THSD4: variants seen among roughly 807,000 people sequenced by gnomAD.
THSD4 encodes thrombospondin type 1 domain containing 4.
Under a neutral mutation model 119.0 loss-of-function variants are expected in THSD4, and 69 were observed. The observed-to-expected ratio is 0.58, with a 90% CI of 0.48 to 0.71. The LOEUF (loss-of-function observed/expected upper bound fraction) is 0.71. THSD4 is among the 30% of genes least tolerant of loss of function. The probability of loss-of-function intolerance (pLI) is 0.00; values close to 1 mark genes in which losing one functional copy is unlikely to be tolerated. For synonymous variants in THSD4, 524 were observed against 540.4 expected (o/e 0.97, Z 0.42); for missense variants, 1,393 against 1,391.1 (o/e 1.00, Z -0.02).
chr15:71,696,339 C>A (rs1447744197), intron 8 of THSD4, among the ~76,000 whole-genome samples: 1 of 152,122 alleles, frequency 6.6e-6, no homozygotes, highest in Non-Finnish European at 1.5e-5. Flanking sequence ...TTTATAACAA[C>A]CCACTCTTTT....
chr15:71,584,129 G>T (rs573895857), intron 7 of THSD4, among the ~76,000 whole-genome samples: 2 of 151,938 alleles, frequency 1.3e-5, no homozygotes, highest in South Asian at 2.1e-4. Flanking sequence ...TTCTCTTGAT[G>T]AATTGATTCC....
chr15:71,445,512 C>T (rs1391831948), intron 7 of THSD4, among the ~76,000 whole-genome samples: 5 of 152,226 alleles, frequency 3.3e-5, no homozygotes, highest in Admixed American at 2.6e-4. Context: ...GTTCATTCTT[C>T]ACCAGGTGTT....
At chr15:71,703,719 TCC>T (rs2052338798) in intron 8 of THSD4, among the ~76,000 whole-genome samples, 1 of 152,184 alleles carries the variant, frequency 6.6e-6, no homozygotes, top group Non-Finnish European at 1.5e-5. Context: ...TGGGTCTAAT[TCC>T]TAGGGAGCCT....
At position 71,595,458 on chromosome 15, in the gene THSD4, C is replaced by T. The variant is rs533217949; in HGVS notation, c.1153-65072C>T. 7.2e-5 allele frequency among the ~76,000 whole-genome samples: 11 copies of T among 152,270 alleles called. No homozygotes were observed. The South Asian group carries it at 1.9e-3, about 26-fold the overall frequency. On this transcript the variant is annotated intron_variant, in intron 7 of 17. Coordinates refer to ENST00000261862, the MANE Select transcript of THSD4 (RefSeq NM_024817.3). The stretch of plus-strand genomic sequence containing the variant: ...CTTCTTCCTCATTTTTCTCTTGCCA[C>T]CACCATGTAAGAAGTGCCTTTCGCC...
intron 14 of THSD4, among the ~76,000 whole-genome samples, chr15:71,750,561 T>G (rs934974082): frequency 1.3e-5 from 2 of 152,226 alleles, no homozygotes; most frequent in East Asian, 3.9e-4. Context: ...GCGGCTCATC[T>G]TCTTGTGTGT....
chr15:71,351,322 G>A (rs1004064523), intron 6 of THSD4, among the ~76,000 whole-genome samples: 1 of 152,116 alleles, frequency 6.6e-6, no homozygotes, highest in Non-Finnish European at 1.5e-5. Context: ...TGAGCTTTCT[G>A]CATTTCCCAC....
intron 3 of THSD4, chr15:71,187,124 A>G (rs1488723429): frequency 6.6e-6 from 1 of 152,636 alleles, no homozygotes; most frequent in African/African-American, 2.4e-5. Flanking sequence ...GATTGTGCCC[A>G]TTGTCCAATG....
chr15:71,122,984 A>C (rs1410959130), intron 1 of THSD4, among the ~76,000 whole-genome samples: 1 of 152,216 alleles, frequency 6.6e-6, no homozygotes, highest in African/African-American at 2.4e-5. Flanking sequence ...GACAAGGGGG[A>C]CCCAGAAACA....
chr15:71,406,283 T>G (rs2046604410), intron 6 of THSD4, among the ~76,000 whole-genome samples: 1 of 152,250 alleles, frequency 6.6e-6, no homozygotes, highest in Admixed American at 6.5e-5. Flanking sequence ...CTAACATTTA[T>G]TCCCTCTTGG....
chr15:71,410,524 TG>T (rs2046672505), intron 6 of THSD4, among the ~76,000 whole-genome samples: 1 of 152,018 alleles, frequency 6.6e-6, no homozygotes, highest in African/African-American at 2.4e-5. Flanking sequence ...TATTTAGGAA[TG>T]GGATTTAAGG....
intron 3 of THSD4, among the ~76,000 whole-genome samples, chr15:71,201,176 G>GAA (rs147288794): frequency 4.7e-5 from 7 of 147,786 alleles, no homozygotes; most frequent in African/African-American, 1.5e-4. Context: ...GTGGTTGTTT[G>GAA]AAAAAAAAAA....
chr15:71,667,833 A>G (rs576627369), intron 8 of THSD4, among the ~76,000 whole-genome samples: 143 of 152,312 alleles, frequency 9.4e-4, no homozygotes, highest in South Asian at 9.3e-3. Context: ...CACTTGATCC[A>G]CTGCCTTCAA....
intron 7 of THSD4, among the ~76,000 whole-genome samples, chr15:71,614,392 T>C (rs8033563): frequency 0.35 from 53,195 of 152,066 alleles, 10,262 homozygotes; most frequent in Non-Finnish European, 0.44. Flanking sequence ...GTCTCCTGAC[T>C]GAGAGGATGC....
At chr15:71,575,544 T>G (rs1427563479) in intron 7 of THSD4, among the ~76,000 whole-genome samples, 2 of 152,190 alleles carry the variant, frequency 1.3e-5, no homozygotes, top group African/African-American at 4.8e-5. Flanking sequence ...AATCGGGACA[T>G]TTTGTTTCTT....
In THSD4 at chr15:71,151,550, A is replaced by G. The variant is rs145849681; in HGVS notation, c.30-3313A>G. 4.6e-5 allele frequency among the ~76,000 whole-genome samples: 7 copies of G among 152,282 alleles called. No individual in the cohort carries two copies. In the East Asian group the frequency reaches 1.4e-3, roughly 29 times the overall value. On this transcript the variant is annotated intron_variant, in intron 2 of 17. Transcript: ENST00000261862. ...ACAATTCCCATTTTACAGATGAGGA[A>G]ACTGAGGCACAGAGAGACGGTGATT...
At chr15:71,390,880 G>C (rs1337429605) in intron 6 of THSD4, among the ~76,000 whole-genome samples, 3 of 85,688 alleles carry the variant, frequency 3.5e-5, no homozygotes, top group Admixed American at 1.9e-4. Flanking sequence ...TTTTTGTACA[G>C]AGAGGGCCTT....
At chr15:71,360,092 G>C (rs545174460) in intron 6 of THSD4, among the ~76,000 whole-genome samples, 30 of 152,164 alleles carry the variant, frequency 2.0e-4, no homozygotes, top group Admixed American at 4.6e-4. Context: ...TGGTGGCTGA[G>C]GCTGGATTCA....
chr15:71,552,710 G>A (rs1430967002), intron 7 of THSD4, among the ~76,000 whole-genome samples: 3 of 152,172 alleles, frequency 2.0e-5, no homozygotes, highest in Admixed American at 1.3e-4. Context: ...GTAGTGGTGC[G>A]ATCTCAGCTC....
intron 3 of THSD4, among the ~76,000 whole-genome samples, chr15:71,190,101 A>G (rs78789169): frequency 0.021 from 3,166 of 152,324 alleles, 45 homozygotes; most frequent in South Asian, 0.049. Context: ...TGGGGTAGAC[A>G]TCATTTACTG....
Sources: gnomAD v4.1 joint callset for allele counts (sites outside exome capture counted in the v4.1 genomes callset) on GRCh38, gnomAD v4.1.1 for gene constraint, MANE v1.5 for transcripts, NCBI Gene and HGNC (gene_info 2026-07-23, HGNC 2026-07-21) for gene names.